The following MYBL2 variants were observed in gnomAD, a reference collection of about 807,000 sequenced individuals.
MYBL2 encodes the protein myb-related protein B.
Under a neutral mutation model 79.9 loss-of-function variants are expected in MYBL2, and 28 were observed. The observed-to-expected ratio is 0.35, with a 90% CI of 0.26 to 0.48. MYBL2 has a LOEUF of 0.48. MYBL2 is among the 20% of genes least tolerant of loss of function. The pLI is 0.99. For synonymous variants in MYBL2, 378 were observed against 361.2 expected (o/e 1.05, Z -0.53); for missense variants, 735 against 893.9 (o/e 0.82, Z 2.27).
At chr20:43,697,192 A>T (rs1987564902) in intron 6 of MYBL2, among the ~76,000 whole-genome samples, 1 of 152,200 alleles carries the variant, frequency 6.6e-6, no homozygotes, top group South Asian at 2.1e-4. Flanking sequence ...CTATGGTTAT[A>T]TGAAAAAAAA....
At chr20:43,686,652 G>T (rs187872068) in intron 4 of MYBL2, among the ~76,000 whole-genome samples, 200 bp from the exon 5 acceptor site, 2 of 152,110 alleles carry the variant, frequency 1.3e-5, no homozygotes, top group Non-Finnish European at 2.9e-5. Context: ...AGAGGGATGC[G>T]GTCAGATCCT....
chr20:43,669,181 C>G (rs561493830), intron 1 of MYBL2, among the ~76,000 whole-genome samples: 2 of 152,062 alleles, frequency 1.3e-5, no homozygotes, highest in African/African-American at 4.8e-5. Context: ...GGAGTGGCCT[C>G]GCGTTGTGTC....
chr20:43,702,326 TA>T (rs1309078216), intron 7 of MYBL2, among the ~76,000 whole-genome samples, 163 bp from the exon 8 acceptor site: 1 of 151,994 alleles, frequency 6.6e-6, no homozygotes, highest in African/African-American at 2.4e-5. Context: ...TCTATGAAAA[TA>T]TAGATGTATA....
Position 43,711,582 on chromosome 20 carries a change from A to G in MYBL2, c.1700A>G (p.Lys567Arg), listed in dbSNP as rs778922160. Residue 567 changes from lysine to arginine, a missense_variant, in exon 11 of 14, where the codon AAG becomes AGG. Physicochemically the swap from Lys to Arg is conservative, Grantham distance 26. Coordinates refer to ENST00000217026, the MANE Select transcript of MYBL2 (RefSeq NM_002466.4). ...LIIEDDIRPE[K>R]QKRKPGLRRS... ...ATCGAGGACGACATCAGGCCCGAGA[A>G]GCAGAAGAGGAAGCCTGGGGTGAGT... is the stretch of plus-strand genomic sequence containing the variant. 1 of 1,613,160 alleles carries G rather than the reference A, an allele frequency of 6.2e-7. No homozygotes were observed. Among genetic ancestry groups the G allele is most frequent in the Non-Finnish European group, 8.5e-7 (1 of 1,179,550 alleles).
intron 2 of MYBL2, among the ~76,000 whole-genome samples, chr20:43,678,063 G>GC (rs1417618935): frequency 2.0e-5 from 3 of 152,140 alleles, no homozygotes; most frequent in Admixed American, 6.6e-5. Context: ...TGGATTAAGG[G>GC]CGGTGCAAGA....
At chr20:43,683,404 CA>C (rs1399694826) in intron 4 of MYBL2, among the ~76,000 whole-genome samples, 3 of 151,944 alleles carry the variant, frequency 2.0e-5, no homozygotes, top group Non-Finnish European at 4.4e-5. Context: ...GGGATGTCCC[CA>C]ACCTAGAAGA....
At chr20:43,696,036 CCT>C (rs1388974470) in intron 6 of MYBL2, among the ~76,000 whole-genome samples, 1 of 151,536 alleles carries the variant, frequency 6.6e-6, no homozygotes, top group African/African-American at 2.4e-5. Context: ...AGAAAAAAAA[CCT>C]CTTAATACAT....
chr20:43,704,919 C>T (rs900262046), intron 8 of MYBL2, among the ~76,000 whole-genome samples: 1 of 152,184 alleles, frequency 6.6e-6, no homozygotes, highest in South Asian at 2.1e-4. Context: ...GAAGGAGCCA[C>T]TCTCCCACAG....
chr20:43,681,535 TC>T (rs1184043923), intron 2 of MYBL2, among the ~76,000 whole-genome samples: 1 of 152,160 alleles, frequency 6.6e-6, no homozygotes, highest in Non-Finnish European at 1.5e-5. Flanking sequence ...TCTCCATATC[TC>T]CCAGCAGGGG....
At chr20:43,696,582 T>G (rs1417420789) in intron 6 of MYBL2, among the ~76,000 whole-genome samples, 2 of 152,294 alleles carry the variant, frequency 1.3e-5, no homozygotes, top group African/African-American at 4.8e-5. Flanking sequence ...TATCGTTCCA[T>G]GTTGTTATGT....
chr20:43,681,760 C>A, intron 2 of MYBL2, 24 bp from the exon 3 acceptor site: 1 of 1,613,604 alleles, frequency 6.2e-7, no homozygotes, highest in South Asian at 1.1e-5. Flanking sequence ...GTGTGCTGAG[C>A]CCCTGTCTTT....
intron 4 of MYBL2, among the ~76,000 whole-genome samples, chr20:43,684,112 A>C (rs1162236977): frequency 6.6e-6 from 1 of 151,960 alleles, no homozygotes; most frequent in South Asian, 2.1e-4. Flanking sequence ...AAATTTTTGT[A>C]GAGAGAGTAT....
At chr20:43,713,208 G>A in intron 12 of MYBL2, 102 bp downstream of exon 12, 1 of 790,322 alleles carries the variant, frequency 1.3e-6, no homozygotes, top group Non-Finnish European at 2.1e-6. Flanking sequence ...CCTGGGCTCT[G>A]CAGGGAGGGG....
intron 5 of MYBL2, among the ~76,000 whole-genome samples, chr20:43,688,587 A>T (rs935416801): frequency 1.3e-5 from 2 of 152,042 alleles, no homozygotes; most frequent in African/African-American, 4.8e-5. Flanking sequence ...AACTCAAGCA[A>T]TCCTTCTGCC....
At chr20:43,694,121 A>G (rs1464149036) in intron 6 of MYBL2, among the ~76,000 whole-genome samples, 1 of 152,046 alleles carries the variant, frequency 6.6e-6, no homozygotes, top group Non-Finnish European at 1.5e-5. Flanking sequence ...TCACGAGGAC[A>G]GGAGATTGAG....
At chr20:43,684,937 A>G (rs13042537) in intron 4 of MYBL2, among the ~76,000 whole-genome samples, 4 of 151,420 alleles carry the variant, frequency 2.6e-5, no homozygotes, top group African/African-American at 9.7e-5. Context: ...ACCTGATGTC[A>G]GGAGTTTGAG....
chr20:43,677,447 G>A (rs1489400302), intron 2 of MYBL2, among the ~76,000 whole-genome samples: 1 of 152,232 alleles, frequency 6.6e-6, no homozygotes, highest in African/African-American at 2.4e-5. Flanking sequence ...TTTGAGCTAA[G>A]GATGAGGATT....
chr20:43,682,949 G>C, intron 4 of MYBL2, 63 bp downstream of exon 4: 3 of 1,494,106 alleles, frequency 2.0e-6, no homozygotes, highest in Non-Finnish European at 2.8e-6. Context: ...CCTGGGGACT[G>C]TGAGATTGCC....
rs749262909 is a variant in MYBL2 at position 43,699,746 on chromosome 20, G to C, written c.664-11G>C. On this transcript the variant is annotated splice_polypyrimidine_tract_variant and intron_variant, in intron 6 of 13. Coordinates refer to ENST00000217026, the MANE Select transcript of MYBL2 (RefSeq NM_002466.4). The stretch of plus-strand genomic sequence containing the variant: ...AGCGAAATGCAAATGGTGTATTCTT[G>C]TGTCTTACAGGGAAGTCTTCTGACC... 8 of 1,613,450 alleles carry C rather than the reference G, an allele frequency of 5.0e-6. No individual in the cohort carries two copies. In the Admixed American group the frequency reaches 1.2e-4, roughly 24 times the overall value.
Sources: gnomAD v4.1 joint callset for allele counts (sites outside exome capture counted in the v4.1 genomes callset) on GRCh38, gnomAD v4.1.1 for gene constraint, MANE v1.5 for transcripts, NCBI Gene and HGNC (gene_info 2026-07-23, HGNC 2026-07-21) for gene names.